DNASE1: variants seen among roughly 807,000 people sequenced by gnomAD.
DNASE1 encodes deoxyribonuclease-1.
A neutral mutation model predicts 33.9 loss-of-function variants in DNASE1; 40 were observed. That is an observed-to-expected ratio of 1.18 (90% CI 0.92 to 1.54). DNASE1 has a LOEUF of 1.54. DNASE1 is among the 40% of genes most tolerant of loss of function. DNASE1 has a pLI of 0.00. For missense variants in DNASE1, 518 were observed against 372.6 expected, an observed-to-expected ratio of 1.39 and a Z score of -3.21; for synonymous variants, 216 against 160.0, an observed-to-expected ratio of 1.35 and a Z score of -2.64.
chr16:3,663,017 G>A (rs368708297), downstream of DNASE1: 95 of 1,441,802 alleles, frequency 6.6e-5, no homozygotes, highest in East Asian at 9.8e-5. Flanking sequence ...CCAACTCCCC[G>A]GCTTCCATGG....
chr16:3,648,706 A>G (rs1256572519), intron 1 of DNASE1, among the ~76,000 whole-genome samples: 1 of 152,238 alleles, frequency 6.6e-6, no homozygotes, highest in East Asian at 1.9e-4. Context: ...TACAAACTTA[A>G]GAGTTTACTA....
intron 1 of DNASE1, among the ~76,000 whole-genome samples, chr16:3,613,803 G>A (rs1244451513): frequency 2.0e-5 from 3 of 152,142 alleles, no homozygotes; most frequent in African/African-American, 4.8e-5. Context: ...GCCCAGGCTG[G>A]AGCGCAGTGG....
At position 3,657,939 on chromosome 16, in the gene DNASE1, G is replaced by A; in HGVS notation, c.835G>A (p.Val279Met). The change falls in exon 9 of 9, where the codon GTG (valine) becomes ATG (methionine). Residue 279 changes from valine to methionine, a missense_variant. By Grantham distance (21) the Val-to-Met change is conservative (BLOSUM62 1). Coordinates refer to ENST00000246949, the MANE Select transcript of DNASE1 (RefSeq NM_005223.4). ...QAISDHYPVE[V>M]MLK ...CATCAGTGACCACTATCCAGTGGAG[G>A]TGATGCTGAAGTGAGCAGCCCCTCC... The A allele has an allele frequency of 1.9e-6, 3 of 1,614,092 alleles. No homozygotes were observed. The highest frequency in any genetic ancestry group is 1.1e-5 in the South Asian group (1 of 91,078).
chr16:3,662,064 G>A, downstream of DNASE1: 3 of 1,613,368 alleles, frequency 1.9e-6, no homozygotes, highest in Non-Finnish European at 2.5e-6. Context: ...GCATGCGCAG[G>A]AAGTGGCGGG....
intron 1 of DNASE1, among the ~76,000 whole-genome samples, chr16:3,621,577 A>G (rs551052237): frequency 5.9e-5 from 9 of 152,318 alleles, no homozygotes; most frequent in Non-Finnish European, 1.2e-4. Context: ...CCCCAATGTA[A>G]ATAAACGGTA....
At chr16:3,660,617 C>G (rs938535167), downstream of DNASE1, 1 of 152,238 alleles carries the variant, frequency 6.6e-6, no homozygotes, top group Non-Finnish European at 1.5e-5. Flanking sequence ...CATACTGGCG[C>G]TGCTGTGCAC....
At chr16:3,662,097 G>T (rs761454023), downstream of DNASE1, 2 of 1,613,128 alleles carry the variant, frequency 1.2e-6, no homozygotes, top group Non-Finnish European at 1.7e-6. Flanking sequence ...CCAGCACGGT[G>T]ACCATGGCAG....
chr16:3,633,192 CCTTTT>C (rs1361993013), intron 1 of DNASE1, among the ~76,000 whole-genome samples: 12 of 152,172 alleles, frequency 7.9e-5, no homozygotes, highest in East Asian at 1.9e-4. Context: ...TTTATTCTTC[CCTTTT>C]CTTTTTATTT....
chr16:3,646,216 G>GC (rs2042168507), intron 1 of DNASE1, among the ~76,000 whole-genome samples: 1 of 152,050 alleles, frequency 6.6e-6, no homozygotes, highest in African/African-American at 2.4e-5. Flanking sequence ...TTTTTCTCTG[G>GC]GGGGGGTCTG....
At chr16:3,617,194 T>C (rs1447091607) in intron 1 of DNASE1, among the ~76,000 whole-genome samples, 1 of 151,278 alleles carries the variant, frequency 6.6e-6, no homozygotes, top group African/African-American at 2.4e-5. Context: ...GGCGTGGTGG[T>C]GTGCGCCCGT....
intron 8 of DNASE1, 44 bp downstream of exon 8, chr16:3,657,860 G>A (rs1383491893): frequency 6.2e-7 from 1 of 1,613,918 alleles, no homozygotes; most frequent in African/African-American, 1.3e-5. Context: ...TGGGACACAG[G>A]AGCTCAGGTA....
At chr16:3,621,053 C>T (rs2041293465) in intron 1 of DNASE1, among the ~76,000 whole-genome samples, 1 of 152,148 alleles carries the variant, frequency 6.6e-6, no homozygotes, top group South Asian at 2.1e-4. Context: ...CCGCCTCAGC[C>T]TCCCAAAGTG....
Position 3,625,866 on chromosome 16 carries a change from G to A in DNASE1, c.-1359+13860G>A, listed in dbSNP as rs983084801. 3.9e-5 allele frequency among the ~76,000 whole-genome samples: 6 copies of A among 152,310 alleles called. No individual in the cohort carries two copies. In the East Asian group the frequency reaches 5.8e-4, roughly 15 times the overall value. On this transcript the variant is annotated intron_variant and NMD_transcript_variant, in intron 1 of 11. Transcript: ENST00000570769. ...TGTAATCCCAACACTTCAGGAGGCC[G>A]AGGCAGAAGGATCGCTTTAGCCCAG...
In DNASE1 at chr16:3,622,422, C is replaced by T. The variant is rs575819894; in HGVS notation, c.-1359+10416C>T. Among the ~76,000 whole-genome samples the T allele has an allele frequency of 2.6e-5, 4 of 152,158 alleles. No individual in the cohort carries two copies. In the East Asian group the frequency reaches 5.8e-4, roughly 22 times the overall value. On this transcript the variant is annotated intron_variant and NMD_transcript_variant, in intron 1 of 11. Coordinates refer to the DNASE1 transcript ENST00000570769. ...ATTTTCTTCACGTGATTAAAAGCTA[C>T]TTGTTTACCTATGACCTTATGTTTG...
intron 1 of DNASE1, among the ~76,000 whole-genome samples, chr16:3,615,150 C>T (rs908554289): frequency 6.6e-6 from 1 of 152,016 alleles, no homozygotes; most frequent in Non-Finnish European, 1.5e-5. Flanking sequence ...TTGAAAGTTT[C>T]ACAGATGATT....
At chr16:3,624,456 C>T (rs888422344) in intron 1 of DNASE1, among the ~76,000 whole-genome samples, 20 of 152,148 alleles carry the variant, frequency 1.3e-4, no homozygotes, top group African/African-American at 4.3e-4. Flanking sequence ...TCCCTTATGC[C>T]GAGCTCTAAA....
exon 10 of DNASE1, chr16:3,664,589 G>T: frequency 1.0e-6 from 1 of 974,780 alleles, no homozygotes; most frequent in Non-Finnish European, 1.5e-6. Context: ...CCGAGGGACG[G>T]TAGTGGACTC....
At chr16:3,632,616 A>T in intron 1 of DNASE1, among the ~76,000 whole-genome samples, 3 of 138,922 alleles carry the variant, frequency 2.2e-5, no homozygotes. Context: ...CGAGAGTTTC[A>T]CTCTTGTTGC....
chr16:3,656,770 C>G lies in DNASE1; in HGVS notation c.436+17C>G, dbSNP rs2042673130. On this transcript the variant is annotated intron_variant, in intron 5 of 8. Coordinates refer to ENST00000246949, the MANE Select transcript of DNASE1 (RefSeq NM_005223.4). ...GGTTCACAGGTGGGTGCTGCCTGGG[C>G]CAGGGTGGGGCTCGGCTTGGCGCTT... The G allele has an allele frequency of 1.3e-6, 2 of 1,592,506 alleles. No homozygotes were observed. Among genetic ancestry groups the G allele is most frequent in the Non-Finnish European group, 1.7e-6 (2 of 1,169,544 alleles).
Sources: allele counts gnomAD v4.1 joint callset (sites outside exome capture counted in the v4.1 genomes callset), GRCh38; gene constraint gnomAD v4.1.1; transcripts MANE v1.5; gene names NCBI Gene and HGNC (gene_info 2026-07-23, HGNC 2026-07-21).